GABRG3: variants seen among roughly 807,000 people sequenced by gnomAD.
The protein encoded by GABRG3 is gamma-aminobutyric acid type A receptor subunit gamma3.
Under a neutral mutation model 48.8 loss-of-function variants are expected in GABRG3, and 25 were observed. That is an observed-to-expected ratio of 0.51 (90% CI 0.37 to 0.72). The LOEUF (loss-of-function observed/expected upper bound fraction) is 0.72, where lower values mean the gene tolerates loss of function less well. Among genes scored for constraint, GABRG3 ranks in the 30% least tolerant of loss-of-function variants. The pLI is 0.00. For synonymous variants in GABRG3, 227 were observed against 217.6 expected (o/e 1.04, Z -0.38); for missense variants, 394 against 577.9 (o/e 0.68, Z 3.26).
At chr15:27,102,388 A>G (rs1897376953) in intron 3 of GABRG3, among the ~76,000 whole-genome samples, 1 of 152,256 alleles carries the variant, frequency 6.6e-6, no homozygotes, top group Non-Finnish European at 1.5e-5. Context: ...AAAACTGATT[A>G]GGAGGCCTAT....
chr15:27,406,125 C>T (rs957908583), intron 5 of GABRG3, among the ~76,000 whole-genome samples: 1 of 151,578 alleles, frequency 6.6e-6, no homozygotes, highest in Non-Finnish European at 1.5e-5. Context: ...GACTCCATCT[C>T]AAAAAAATTG....
chr15:27,417,136 G>C (rs1307229781), intron 5 of GABRG3, among the ~76,000 whole-genome samples: 3 of 152,152 alleles, frequency 2.0e-5, no homozygotes, highest in Non-Finnish European at 4.4e-5. Flanking sequence ...GGTGCTGCTG[G>C]TATGCAGTGG....
At chr15:27,097,110 C>T (rs1897278244) in intron 3 of GABRG3, among the ~76,000 whole-genome samples, 1 of 151,826 alleles carries the variant, frequency 6.6e-6, no homozygotes, top group South Asian at 2.1e-4. Context: ...CTTTGGCCTC[C>T]CAAAGTGCTG....
At chr15:27,085,775 T>A (rs1897065091) in intron 3 of GABRG3, among the ~76,000 whole-genome samples, 1 of 152,232 alleles carries the variant, frequency 6.6e-6, no homozygotes, top group Non-Finnish European at 1.5e-5. Flanking sequence ...ATCAAAATGC[T>A]AATTTTAAAA....
chr15:27,208,030 A>G (rs907112557), intron 3 of GABRG3: 1 of 153,184 alleles, frequency 6.5e-6, no homozygotes, highest in African/African-American at 2.4e-5. Context: ...GTCACAGGAT[A>G]CCTTCAACCA....
At chr15:27,171,692 T>C (rs1412639271) in intron 3 of GABRG3, among the ~76,000 whole-genome samples, 2 of 152,108 alleles carry the variant, frequency 1.3e-5, no homozygotes, top group Non-Finnish European at 2.9e-5. Flanking sequence ...TGTGTATATA[T>C]TCTTAGAGAT....
chr15:27,050,483 C>T lies in GABRG3; in HGVS notation c.270+23662C>T, dbSNP rs145682402. 8.6e-3 allele frequency among the ~76,000 whole-genome samples: 1,316 copies of T among 152,242 alleles called. 22 individuals are homozygous for T. Among genetic ancestry groups the T allele is most frequent in the African/African-American group, 0.03 (1,225 of 41,524 alleles). ...ACACACCATTGCCTTGCCCTTCGTC[C>T]TGCTGTTCCTAGGATAAGATAGCAT... On this transcript the variant is annotated intron_variant, in intron 3 of 9. Coordinates refer to ENST00000615808, the MANE Select transcript of GABRG3 (RefSeq NM_033223.5).
rs567187139 is a variant in GABRG3, at chr15:27,030,879, A to G, written c.270+4058A>G. Among the ~76,000 whole-genome samples, 3 of 152,304 alleles carry G rather than the reference A, an allele frequency of 2.0e-5. No homozygotes were observed. The East Asian group carries it at 5.8e-4, about 29-fold the overall frequency. On this transcript the variant is annotated intron_variant, in intron 3 of 9. Transcript: ENST00000615808. Reference sequence around the variant, plus strand: ...TTTGTTTCCTAGTCAATATGGACACACAGCAGCTGTACATACCTGTAGGGC... The same window carrying G: ...TTTGTTTCCTAGTCAATATGGACACGCAGCAGCTGTACATACCTGTAGGGC...
intron 3 of GABRG3, among the ~76,000 whole-genome samples, chr15:27,093,012 C>A (rs1461426017): frequency 1.3e-5 from 2 of 152,058 alleles, no homozygotes; most frequent in South Asian, 4.1e-4. Context: ...TCCTGGCACA[C>A]ATCCCCAGTC....
intron 3 of GABRG3, among the ~76,000 whole-genome samples, chr15:27,088,938 A>C (rs1302043638): frequency 6.6e-6 from 1 of 151,844 alleles, no homozygotes; most frequent in East Asian, 2.0e-4. Context: ...GAAGGAGGGG[A>C]ATGGGGCTGT....
intron 3 of GABRG3, among the ~76,000 whole-genome samples, chr15:27,106,784 T>G (rs1595528658): frequency 1.3e-5 from 2 of 152,072 alleles, no homozygotes; most frequent in East Asian, 3.9e-4. Context: ...AAAGGAACAC[T>G]CTGAATAATT....
rs1460899234 is a variant in GABRG3 at position 27,536,486 on chromosome 15, G to A, written c.*3605G>A. Reference sequence around the variant, plus strand: ...TATCTTTTATGAATGGATGGAAATAGGATTTCATTTCTTTATATGCCAAAC... The same window carrying A: ...TATCTTTTATGAATGGATGGAAATAAGATTTCATTTCTTTATATGCCAAAC... On this transcript the variant is annotated 3_prime_UTR_variant, in exon 10 of 10. Coordinates refer to ENST00000615808, the MANE Select transcript of GABRG3 (RefSeq NM_033223.5). 2 of 152,116 alleles carry A rather than the reference G, an allele frequency of 1.3e-5. No homozygotes were observed. 9.4% of individuals were successfully genotyped at this position (152,116 alleles called of 1,614,324 possible).
chr15:27,274,885 C>T (rs1413741405), intron 3 of GABRG3, among the ~76,000 whole-genome samples: 1 of 152,120 alleles, frequency 6.6e-6, no homozygotes, highest in East Asian at 1.9e-4. Context: ...TCTTAAGGCA[C>T]CACCTTATGA....
intron 5 of GABRG3, among the ~76,000 whole-genome samples, chr15:27,371,007 G>A (rs959625405): frequency 3.3e-5 from 5 of 152,150 alleles, no homozygotes; most frequent in African/African-American, 4.8e-5. Context: ...TGCAAACGTG[G>A]TTGTATCCAC....
chr15:27,518,441 G>C lies in GABRG3; in HGVS notation c.713-1531G>C, dbSNP rs529854782. Among the ~76,000 whole-genome samples, 190 of 151,792 alleles carry C rather than the reference G, an allele frequency of 1.3e-3. 1 individual carries two copies. Among genetic ancestry groups the C allele is most frequent in the Non-Finnish European group, 2.1e-3 (142 of 67,984 alleles). ...AATATTAATTAATTTATTATGGTTA[G>C]CCAACGTTGGTAAACAAGAGAGACA... On this transcript the variant is annotated intron_variant, in intron 6 of 9. Coordinates refer to ENST00000615808, the MANE Select transcript of GABRG3 (RefSeq NM_033223.5).
rs2467294 is a variant in GABRG3 at position 27,180,672 on chromosome 15, C to T, written c.271-146137C>T. ...CTGTGTGTGTTTGTGTGTGCACGCGCGCGCACCCCAGGTCAGTTCTAGCAA... is the reference window on the plus strand; with the variant it reads ...CTGTGTGTGTTTGTGTGTGCACGCGTGCGCACCCCAGGTCAGTTCTAGCAA... On this transcript the variant is annotated intron_variant, in intron 3 of 9. Coordinates refer to ENST00000615808, the MANE Select transcript of GABRG3 (RefSeq NM_033223.5). This position sits in a 1 kb window ranked among gnomAD's most constrained non-coding sequence, Gnocchi z 4.2. 0.41 allele frequency among the ~76,000 whole-genome samples: 61,695 copies of T among 151,784 alleles called. 12,999 individuals are homozygous for T. The highest frequency in any genetic ancestry group is 0.61 in the East Asian group (3,111 of 5,128).
Position 27,241,850 on chromosome 15 carries a change from G to T in GABRG3, c.271-84959G>T, listed in dbSNP as rs572685680. Among the ~76,000 whole-genome samples the T allele has an allele frequency of 2.0e-4, 30 of 152,210 alleles. No individual in the cohort carries two copies. In the East Asian group the frequency reaches 5.6e-3, roughly 28 times the overall value. On this transcript the variant is annotated intron_variant, in intron 3 of 9. Coordinates refer to ENST00000615808, the MANE Select transcript of GABRG3 (RefSeq NM_033223.5). ...GTTCTTTTAGTTTTTCTCATAAAAG[G>T]TTCACTTTTGACAAGAGTTAAAACT...
intron 5 of GABRG3, among the ~76,000 whole-genome samples, chr15:27,468,051 T>C (rs1341856064): frequency 6.6e-6 from 1 of 152,160 alleles, no homozygotes; most frequent in African/African-American, 2.4e-5. Context: ...TTCGGTACAG[T>C]TATCAAATCA....
chr15:27,351,733 T>A (rs1189816076), intron 5 of GABRG3, among the ~76,000 whole-genome samples: 2 of 150,782 alleles, frequency 1.3e-5, no homozygotes, highest in Non-Finnish European at 3.0e-5. Context: ...TGTATATATA[T>A]GTGTGTATGT....
Sources: gnomAD v4.1 joint callset for allele counts (sites outside exome capture counted in the v4.1 genomes callset) on GRCh38, gnomAD v4.1.1 for gene constraint, Gnocchi (gnomAD v3.1) non-coding constraint, MANE v1.5 for transcripts, NCBI Gene and HGNC (gene_info 2026-07-23, HGNC 2026-07-21) for gene names.